The following XKR6 variants were observed in gnomAD, a reference collection of about 807,000 sequenced individuals.
The protein encoded by XKR6 is XK-related protein 6.
In XKR6, 22 loss-of-function variants were observed where a neutral mutation model predicts 56.7. The ratio of observed to expected loss-of-function variants is 0.39; its 90% CI spans 0.28 to 0.55. XKR6 has a LOEUF of 0.55. Among genes scored for constraint, XKR6 ranks in the 20% least tolerant of loss-of-function variants. The pLI, the probability that XKR6 is intolerant of heterozygous loss-of-function variation, is 0.66. For missense variants in XKR6, 852 were observed against 889.0 expected (o/e 0.96, Z 0.53); for synonymous variants, 524 against 387.8 (o/e 1.35, Z -4.13).
rs1428061740 is a variant in XKR6 at position 11,201,283 on chromosome 8, G to A, written c.57C>T (p.Asn19=). The A allele has an allele frequency of 1.4e-5, 22 of 1,583,220 alleles. No individual in the cohort carries two copies. In the East Asian group the frequency reaches 1.4e-4, roughly 10 times the overall value. The stretch of plus-strand genomic sequence containing the variant: ...CGCCGCTGCCCACCGCCTCGTCCAG[G>A]TTGTGCAGCTGAGCGAAGCCCACCC... ...GVGVGFAQLH[N]LDEAVGSGGE... Residue 19 remains asparagine, a synonymous_variant, in exon 1 of 3, where the codon AAC becomes AAT. Coordinates refer to ENST00000416569, the MANE Select transcript of XKR6 (RefSeq NM_173683.4).
chr8:11,073,230 A>T (rs535742522), intron 1 of XKR6, among the ~76,000 whole-genome samples: 1 of 152,228 alleles, frequency 6.6e-6, no homozygotes, highest in South Asian at 2.1e-4. Flanking sequence ...TTATGAGTTG[A>T]GTATTGGGAT....
chr8:10,982,075 G>A (rs1225956654), intron 1 of XKR6, among the ~76,000 whole-genome samples: 2 of 152,180 alleles, frequency 1.3e-5, no homozygotes, highest in Non-Finnish European at 2.9e-5. Context: ...CAGCTACTAG[G>A]GTAAGGGCTT....
At chr8:11,194,622 G>A (rs1217256657) in intron 1 of XKR6, 1 of 152,548 alleles carries the variant, frequency 6.6e-6, no homozygotes, top group Non-Finnish European at 1.5e-5. Flanking sequence ...ATCCTGGGGT[G>A]AAAATGGCAA....
At chr8:11,187,536 T>C (rs1291296172) in intron 1 of XKR6, among the ~76,000 whole-genome samples, 1 of 152,054 alleles carries the variant, frequency 6.6e-6, no homozygotes, top group African/African-American at 2.4e-5. Flanking sequence ...GGTTCACGAG[T>C]GGTTCTTCCC....
chr8:11,031,567 G>A lies in XKR6; in HGVS notation c.765-106737C>T, dbSNP rs186641106. On this transcript the variant is annotated intron_variant, in intron 1 of 2. Transcript: ENST00000416569. ...CCGGAGAGTCAGGGACACTCAGCAG[G>A]GATCTGCCAGCATCCCAGGACTGTG... 9.7e-4 allele frequency among the ~76,000 whole-genome samples: 148 copies of A among 152,326 alleles called. 1 individual carries two copies. The East Asian group carries it at 0.016, about 16-fold the overall frequency.
chr8:11,162,205 T>C (rs1175014135), intron 1 of XKR6, among the ~76,000 whole-genome samples: 2 of 152,144 alleles, frequency 1.3e-5, no homozygotes. Context: ...GAGTTAAAGG[T>C]AGAGAAAGCT....
At chr8:10,966,538 G>C (rs1225404060) in intron 1 of XKR6, among the ~76,000 whole-genome samples, 2 of 152,136 alleles carry the variant, frequency 1.3e-5, no homozygotes, top group Admixed American at 1.3e-4. Context: ...GCCTGGCGTG[G>C]TGGTGGGCAC....
chr8:11,142,186 T>A (rs968402847), intron 1 of XKR6, among the ~76,000 whole-genome samples: 2 of 152,160 alleles, frequency 1.3e-5, no homozygotes, highest in Non-Finnish European at 2.9e-5. Flanking sequence ...CAGTAACAAT[T>A]TGCATCCAGC....
chr8:11,097,925 T>C (rs1214055141), intron 1 of XKR6, among the ~76,000 whole-genome samples: 2 of 151,498 alleles, frequency 1.3e-5, no homozygotes, highest in Non-Finnish European at 2.9e-5. Context: ...TAAGGCAAGA[T>C]GAGAATTCAC....
At chr8:11,173,054 G>A (rs1024094797) in intron 1 of XKR6, among the ~76,000 whole-genome samples, 9 of 151,990 alleles carry the variant, frequency 5.9e-5, no homozygotes, top group African/African-American at 1.2e-4. Context: ...AACAGCTTCC[G>A]GCCGGGCGCG....
intron 1 of XKR6, among the ~76,000 whole-genome samples, chr8:10,951,265 T>G: frequency 1.0e-5 from 1 of 98,818 alleles, no homozygotes; most frequent in African/African-American, 4.0e-5. Flanking sequence ...GTGGGGAAAA[T>G]AAAACAGAGG....
chr8:11,091,215 G>A (rs975179963), intron 1 of XKR6, among the ~76,000 whole-genome samples: 1 of 152,178 alleles, frequency 6.6e-6, no homozygotes, highest in Admixed American at 6.5e-5. Context: ...AGGATCGCTT[G>A]AGTCCAGAAG....
intron 1 of XKR6, among the ~76,000 whole-genome samples, chr8:10,929,692 G>C (rs1801001728): frequency 6.6e-6 from 1 of 152,206 alleles, no homozygotes; most frequent in African/African-American, 2.4e-5. Flanking sequence ...GTAGAACCCA[G>C]GACATGATGG....
chr8:10,980,847 C>T (rs191460395), intron 1 of XKR6, among the ~76,000 whole-genome samples: 12 of 152,238 alleles, frequency 7.9e-5, no homozygotes, highest in Non-Finnish European at 2.9e-5. Context: ...ATTATGATCT[C>T]TGTCTGTCTG....
chr8:11,176,038 G>A (rs1055246154), intron 1 of XKR6, among the ~76,000 whole-genome samples: 6 of 152,086 alleles, frequency 3.9e-5, no homozygotes, highest in Non-Finnish European at 7.3e-5. Flanking sequence ...CTACTCTGTG[G>A]GTGTAAAGCA....
chr8:11,118,044 T>G (rs1413396926), intron 1 of XKR6, among the ~76,000 whole-genome samples: 3 of 152,198 alleles, frequency 2.0e-5, no homozygotes, highest in Non-Finnish European at 4.4e-5. Context: ...ATGACGTTAT[T>G]TACCAAAATG....
At position 11,083,534 on chromosome 8, in the gene XKR6, T is replaced by C. The variant is rs546357591; in HGVS notation, c.764+117042A>G. 1.3e-3 allele frequency among the ~76,000 whole-genome samples: 201 copies of C among 152,286 alleles called. 1 individual carries two copies. The highest frequency in any genetic ancestry group is 2.4e-3 in the Non-Finnish European group (160 of 68,020). On this transcript the variant is annotated intron_variant, in intron 1 of 2. Coordinates refer to ENST00000416569, the MANE Select transcript of XKR6 (RefSeq NM_173683.4). ...GTTGAGCTATTCCCCGCTTCAAGTT[T>C]TGCATTTTCGGAATGCAAAACTTCA...
intron 1 of XKR6, among the ~76,000 whole-genome samples, chr8:10,931,764 G>A (rs1801056213): frequency 6.6e-6 from 1 of 151,912 alleles, no homozygotes; most frequent in South Asian, 2.1e-4. Context: ...AGAAACTGCA[G>A]GAGTGGTTCT....
At chr8:10,964,683 C>G (rs571106707) in intron 1 of XKR6, among the ~76,000 whole-genome samples, 1 of 152,208 alleles carries the variant, frequency 6.6e-6, no homozygotes, top group Non-Finnish European at 1.5e-5. Flanking sequence ...CATGACCTCA[C>G]CCGCGGGATC....
Sources: allele counts gnomAD v4.1 joint callset (sites outside exome capture counted in the v4.1 genomes callset), GRCh38; gene constraint gnomAD v4.1.1; transcripts MANE v1.5; gene names NCBI Gene and HGNC (gene_info 2026-07-23, HGNC 2026-07-21).